TP63: variants seen among roughly 807,000 people sequenced by gnomAD.
TP63 encodes the protein tumor protein p63, also known as tumor protein 63.
Under a neutral mutation model 82.8 loss-of-function variants are expected in TP63, and 17 were observed. The observed-to-expected ratio is 0.21, with a 90% CI of 0.14 to 0.31. The LOEUF is 0.31. TP63 is among the 10% of genes least tolerant of loss of function. TP63 has a pLI of 1.00. For synonymous variants in TP63, 330 were observed against 321.7 expected (o/e 1.03, Z -0.28); for missense variants, 648 against 895.3 (o/e 0.72, Z 3.52).
intron 1 of TP63, among the ~76,000 whole-genome samples, chr3:189,642,445 A>G (rs546098976): frequency 1.3e-5 from 2 of 152,264 alleles, no homozygotes; most frequent in East Asian, 1.9e-4. Context: ...CCAACAGACA[A>G]TAGTATAACG....
At chr3:189,752,794 A>C (rs1353089003) in intron 3 of TP63, among the ~76,000 whole-genome samples, 1 of 152,094 alleles carries the variant, frequency 6.6e-6, no homozygotes, top group East Asian at 1.9e-4. Flanking sequence ...TCATTGCTAT[A>C]AGTTTTCTAT....
intron 3 of TP63, among the ~76,000 whole-genome samples, chr3:189,775,635 T>A (rs1723738928): frequency 6.6e-6 from 1 of 152,240 alleles, no homozygotes; most frequent in Non-Finnish European, 1.5e-5. Context: ...CATTTCTTTT[T>A]ACTGATATCT....
intron 4 of TP63, among the ~76,000 whole-genome samples, chr3:189,862,289 C>G (rs1043193108): frequency 2.0e-5 from 3 of 152,078 alleles, no homozygotes; most frequent in African/African-American, 7.2e-5. Context: ...TAAGGCAGAA[C>G]TCAGTAAACG....
At chr3:189,621,333 T>A in the TP63 span, among the ~76,000 whole-genome samples, 6 of 152,116 alleles carry the variant, frequency 3.9e-5, no homozygotes, top group Non-Finnish European at 7.4e-5. Context: ...AGATGATTTA[T>A]TTTTGGTTTT....
chr3:189,740,118 A>G (rs1720876156), intron 3 of TP63, among the ~76,000 whole-genome samples: 1 of 152,232 alleles, frequency 6.6e-6, no homozygotes, highest in Non-Finnish European at 1.5e-5. Flanking sequence ...TTGATTAGAG[A>G]AAAATACACT....
intron 4 of TP63, among the ~76,000 whole-genome samples, chr3:189,833,960 A>G (rs2108716966): frequency 6.6e-6 from 1 of 152,306 alleles, no homozygotes; most frequent in Non-Finnish European, 1.5e-5. Flanking sequence ...TATAAAGCAA[A>G]TGTGTTCAGA....
chr3:189,741,626 C>T (rs964914444), intron 3 of TP63, among the ~76,000 whole-genome samples: 6 of 152,076 alleles, frequency 3.9e-5, no homozygotes, highest in Non-Finnish European at 7.4e-5. Context: ...GAAATATGAA[C>T]TTATAGACAT....
chr3:189,650,242 G>T lies in TP63; in HGVS notation c.62+18665G>T, dbSNP rs562772371. 5.4e-5 allele frequency among the ~76,000 whole-genome samples: 8 copies of T among 146,988 alleles called. 2 individuals carry two copies. Among genetic ancestry groups the T allele is most frequent in the Non-Finnish European group, 1.2e-4 (8 of 67,322 alleles). ...GAGAACTTGGAAGCCTGATATGTCC[G>T]CAAAAGATCAATTTCTTGTTTAACA... On this transcript the variant is annotated intron_variant, in intron 1 of 13. Transcript: ENST00000264731.
rs756188491 is a variant in TP63, at chr3:189,737,779, T to G, written c.102T>G (p.Ser34Arg). The G allele has an allele frequency of 6.2e-7, 1 of 1,614,020 alleles. No individual in the cohort carries two copies. The highest frequency in any genetic ancestry group is 1.1e-5 in the South Asian group (1 of 91,086). The change falls in exon 2 of 14, where the codon AGT (serine) becomes AGG (arginine). Residue 34 changes from serine (S) to arginine (R), a missense_variant. Around this residue, in one of 5 missense-constraint regions of TP63, gnomAD observed 182 missense variants for 213.6 expected, o/e 0.85. Coordinates refer to ENST00000264731, the MANE Select transcript of TP63 (RefSeq NM_003722.5). ...CAGCTCATTTCTCTTGGAAAGAAAGTTATTACCGATCCACCATGTCCCAGA... is the reference window on the plus strand; with the variant it reads ...CAGCTCATTTCTCTTGGAAAGAAAGGTATTACCGATCCACCATGTCCCAGA... ...ETPAHFSWKESYYRSTMSQST... is the reference protein window; with the variant it reads ...ETPAHFSWKERYYRSTMSQST...
intron 12 of TP63, 21 bp downstream of exon 12, chr3:189,889,505 C>T: frequency 6.2e-7 from 1 of 1,614,164 alleles, no homozygotes; most frequent in East Asian, 2.2e-5. Flanking sequence ...AGCATGTGCC[C>T]CTGGGGGCCT....
At chr3:189,859,913 C>T (rs1655349867) in intron 4 of TP63, among the ~76,000 whole-genome samples, 1 of 152,044 alleles carries the variant, frequency 6.6e-6, no homozygotes, top group African/African-American at 2.4e-5. Flanking sequence ...ACATAAAATT[C>T]TGGAAAGGTA....
At position 189,746,775 on chromosome 3, in the gene TP63, A is replaced by G. The variant is rs570256930; in HGVS notation, c.324+8001A>G. Among the ~76,000 whole-genome samples the G allele has an allele frequency of 3.6e-3, 542 of 150,594 alleles. 1 individual carries two copies. Among genetic ancestry groups the G allele is most frequent in the Non-Finnish European group, 6.7e-3 (456 of 67,606 alleles). On this transcript the variant is annotated intron_variant, in intron 3 of 13. Coordinates refer to ENST00000264731, the MANE Select transcript of TP63 (RefSeq NM_003722.5). ...AATAGATTTTTAAAAAGACCCAACT[A>G]TAATATCTATTAATATATAAATATA...
intron 1 of TP63, among the ~76,000 whole-genome samples, chr3:189,679,735 T>A (rs1421411395): frequency 6.6e-6 from 1 of 152,174 alleles, no homozygotes; most frequent in Admixed American, 6.5e-5. Context: ...CTTTCTCCTG[T>A]GTTTTCTTTC....
chr3:189,873,991 A>T (rs880337), intron 10 of TP63, among the ~76,000 whole-genome samples: 8,073 of 152,270 alleles, frequency 0.053, 686 homozygotes, highest in East Asian at 0.38. Context: ...ATAGAAATGC[A>T]AATGAACAAT....
At chr3:189,666,404 A>T (rs561489099) in intron 1 of TP63, among the ~76,000 whole-genome samples, 2 of 152,240 alleles carry the variant, frequency 1.3e-5, no homozygotes, top group African/African-American at 4.8e-5. Flanking sequence ...AATAATGATT[A>T]TATGAAGTTA....
At chr3:189,863,207 T>C (rs1717253456) in intron 4 of TP63, among the ~76,000 whole-genome samples, 1 of 151,388 alleles carries the variant, frequency 6.6e-6, no homozygotes, top group South Asian at 2.1e-4. Context: ...TGGATACATG[T>C]TACTAGGTGC....
chr3:189,758,543 C>T (rs1722351820), intron 3 of TP63, among the ~76,000 whole-genome samples: 1 of 152,224 alleles, frequency 6.6e-6, no homozygotes, highest in African/African-American at 2.4e-5. Context: ...AAACCAGGCA[C>T]TTGATCTTTC....
In TP63 at chr3:189,896,085, A is replaced by G. The variant is rs990652671; in HGVS notation, c.*1583A>G. On this transcript the variant is annotated 3_prime_UTR_variant, in exon 14 of 14. Transcript: ENST00000264731. ...TGACAATATTCCAGATCTTTCAGAA[A>G]TATAACACATTTTTTTGCATGCATG... 8.9e-6 allele frequency: 2 copies of G among 224,470 alleles called. No homozygotes were observed. The highest frequency in any genetic ancestry group is 3.7e-4 in the South Asian group (2 of 5,446). The allele number at this position is 224,470 out of a possible 1,614,324, so 13.9% of individuals were successfully genotyped here.
chr3:189,702,515 C>G (rs1717889265), intron 1 of TP63, among the ~76,000 whole-genome samples: 1 of 152,212 alleles, frequency 6.6e-6, no homozygotes, highest in Non-Finnish European at 1.5e-5. Context: ...AAGCAGGACT[C>G]TGGCTGTGGT....
Sources: gnomAD v4.1 joint callset for allele counts (sites outside exome capture counted in the v4.1 genomes callset) on GRCh38, gnomAD v4.1.1 for gene constraint, gnomAD v4.1.1 regional missense constraint, MANE v1.5 for transcripts, NCBI Gene and HGNC (gene_info 2026-07-23, HGNC 2026-07-21) for gene names.